Variants in SLC2A13 observed in about 807,000 individuals in gnomAD.
SLC2A13 encodes solute carrier family 2 member 13.
SLC2A13 carries 32 observed loss-of-function variants against 64.4 expected under a neutral mutation model. The ratio of observed to expected loss-of-function variants is 0.50; its 90% CI spans 0.37 to 0.67. The LOEUF (loss-of-function observed/expected upper bound fraction) is 0.67. Ranked by LOEUF, SLC2A13 falls within the 30% of genes least tolerant of loss-of-function variation. The pLI is 0.00. For synonymous variants in SLC2A13, 338 were observed against 327.1 expected, an observed-to-expected ratio of 1.03 and a Z score of -0.36; for missense variants, 743 against 829.2, an observed-to-expected ratio of 0.90 and a Z score of 1.28.
chr12:39,922,883 T>C lies in SLC2A13; in HGVS notation c.1034+28374A>G, dbSNP rs556394657. The stretch of plus-strand genomic sequence containing the variant: ...CCTATTGCATTTTACATTGCCAAAC[T>C]TTTTTCTCTAGTATTTTCACCAAAT... On this transcript the variant is annotated intron_variant, in intron 4 of 9. Transcript: ENST00000280871. Among the ~76,000 whole-genome samples, 5 of 152,328 alleles carry C rather than the reference T, an allele frequency of 3.3e-5. No homozygotes were observed. In the South Asian group the frequency reaches 1.0e-3, roughly 32 times the overall value.
chr12:39,984,012 A>C lies in SLC2A13; in HGVS notation c.926-32647T>G, dbSNP rs570671098. 1.1e-4 allele frequency among the ~76,000 whole-genome samples: 17 copies of C among 152,016 alleles called. No individual in the cohort carries two copies. The South Asian group carries it at 2.9e-3, about 26-fold the overall frequency. The stretch of plus-strand genomic sequence containing the variant: ...TACTATGCAGCCATAAAAAAGGATG[A>C]GTTCATGTCCTTTGTAGGGACATGG... On this transcript the variant is annotated intron_variant, in intron 3 of 9. Coordinates refer to ENST00000280871, the MANE Select transcript of SLC2A13 (RefSeq NM_052885.4).
At chr12:39,809,290 T>C (rs1942074035) in intron 7 of SLC2A13, among the ~76,000 whole-genome samples, 1 of 152,224 alleles carries the variant, frequency 6.6e-6, no homozygotes, top group African/African-American at 2.4e-5. Context: ...TTTACCAACA[T>C]CACATTGTCT....
At chr12:39,901,033 T>C (rs903305284) in intron 4 of SLC2A13, among the ~76,000 whole-genome samples, 321 of 152,052 alleles carry the variant, frequency 2.1e-3, no homozygotes, top group Non-Finnish European at 3.8e-3. Flanking sequence ...GAAATAACAC[T>C]GCATATCTAC....
At chr12:40,014,554 T>C (rs913303000) in intron 3 of SLC2A13, among the ~76,000 whole-genome samples, 2 of 152,172 alleles carry the variant, frequency 1.3e-5, no homozygotes, top group Non-Finnish European at 2.9e-5. Context: ...TGCCATGGCA[T>C]GATCTCGGCT....
intron 7 of SLC2A13, among the ~76,000 whole-genome samples, chr12:39,805,513 GGT>G (rs1491232315): frequency 2.8e-4 from 3 of 10,844 alleles, no homozygotes. Context: ...TGCCTCTGTT[GGT>G]TTTTTTTTTT....
At chr12:40,087,982 G>C (rs1328396843) in intron 1 of SLC2A13, among the ~76,000 whole-genome samples, 2 of 152,156 alleles carry the variant, frequency 1.3e-5, no homozygotes, top group African/African-American at 2.4e-5. Flanking sequence ...GTGCATGGTA[G>C]ATATGTTAAA....
chr12:39,988,949 G>C (rs1234597136), intron 3 of SLC2A13, among the ~76,000 whole-genome samples: 10 of 152,058 alleles, frequency 6.6e-5, no homozygotes, highest in Admixed American at 6.6e-4. Flanking sequence ...TAGGCCACCA[G>C]CATCTCTTTC....
chr12:39,976,405 C>T (rs886974052), intron 3 of SLC2A13, among the ~76,000 whole-genome samples: 2 of 152,080 alleles, frequency 1.3e-5, no homozygotes, highest in Non-Finnish European at 2.9e-5. Flanking sequence ...ACTTCATGAC[C>T]GCAGAGTTGC....
At chr12:39,792,889 T>A (rs1941452996) in intron 7 of SLC2A13, among the ~76,000 whole-genome samples, 1 of 152,068 alleles carries the variant, frequency 6.6e-6, no homozygotes, top group South Asian at 2.1e-4. Flanking sequence ...TTTCTATCAA[T>A]GTGGGGCTTC....
intron 4 of SLC2A13, among the ~76,000 whole-genome samples, chr12:39,937,677 T>A (rs1945939858): frequency 6.6e-6 from 1 of 152,204 alleles, no homozygotes; most frequent in South Asian, 2.1e-4. Flanking sequence ...ACCATGGAGA[T>A]GAATTTCCAC....
chr12:40,006,880 T>C (rs1217546480), intron 3 of SLC2A13, among the ~76,000 whole-genome samples: 1 of 152,240 alleles, frequency 6.6e-6, no homozygotes, highest in Non-Finnish European at 1.5e-5. Flanking sequence ...TATTTTTAAT[T>C]CCTTCATAAA....
chr12:39,920,480 T>C (rs2136054621), intron 4 of SLC2A13, among the ~76,000 whole-genome samples: 1 of 152,236 alleles, frequency 6.6e-6, no homozygotes, highest in East Asian at 1.9e-4. Context: ...TTTCACTCTC[T>C]ATCCTGATCA....
chr12:40,092,293 T>C (rs1938794649), intron 1 of SLC2A13, among the ~76,000 whole-genome samples: 1 of 152,210 alleles, frequency 6.6e-6, no homozygotes, highest in South Asian at 2.1e-4. Flanking sequence ...CATATTCAAA[T>C]ATAAGCTTAA....
At chr12:39,969,558 G>T (rs1321607619) in intron 3 of SLC2A13, among the ~76,000 whole-genome samples, 2 of 152,216 alleles carry the variant, frequency 1.3e-5, no homozygotes, top group African/African-American at 4.8e-5. Context: ...CAGTGATGAT[G>T]AGCATTTCTT....
intron 3 of SLC2A13, among the ~76,000 whole-genome samples, chr12:40,009,618 A>G (rs1361272144): frequency 6.6e-6 from 1 of 152,106 alleles, no homozygotes; most frequent in African/African-American, 2.4e-5. Context: ...ACTTTTACAG[A>G]GACAAGGTCT....
intron 7 of SLC2A13, among the ~76,000 whole-genome samples, chr12:39,805,303 T>A (rs1941943384): frequency 6.6e-6 from 1 of 152,146 alleles, no homozygotes; most frequent in African/African-American, 2.4e-5. Context: ...GCTGCTCTGC[T>A]TTGCAGGGAG....
chr12:39,880,371 A>G (rs1426981134), intron 4 of SLC2A13, among the ~76,000 whole-genome samples: 2 of 152,240 alleles, frequency 1.3e-5, no homozygotes, highest in African/African-American at 4.8e-5. Context: ...TGAAATTTTC[A>G]AACATATTTT....
intron 3 of SLC2A13, among the ~76,000 whole-genome samples, chr12:39,994,423 A>G (rs1002529935): frequency 6.6e-6 from 1 of 151,874 alleles, no homozygotes; most frequent in South Asian, 2.1e-4. Context: ...TCACACTTCA[A>G]GCTGTATTTT....
chr12:39,950,911 C>A, intron 4 of SLC2A13: 1 of 301,980 alleles, frequency 3.3e-6, no homozygotes, highest in Non-Finnish European at 6.0e-6. Context: ...TCTGGCAATG[C>A]CAGGTGATTT....
Sources: gnomAD v4.1 joint callset for allele counts (sites outside exome capture counted in the v4.1 genomes callset) on GRCh38, gnomAD v4.1.1 for gene constraint, MANE v1.5 for transcripts, NCBI Gene and HGNC (gene_info 2026-07-23, HGNC 2026-07-21) for gene names.